The following HEPACAM2 variants were observed in gnomAD, a reference collection of about 807,000 sequenced individuals.
HEPACAM2 encodes the protein mitotic kinetics regulator.
HEPACAM2 carries 49 observed loss-of-function variants against 49.6 expected under a neutral mutation model. The ratio of observed to expected loss-of-function variants is 0.99; its 90% CI spans 0.78 to 1.25. The LOEUF is 1.25. Ranked by LOEUF, HEPACAM2 falls within the 50% of genes most tolerant of loss-of-function variation. HEPACAM2 has a pLI of 0.00. For missense variants in HEPACAM2, 525 were observed against 557.2 expected (o/e 0.94, Z 0.58); for synonymous variants, 197 against 202.9 (o/e 0.97, Z 0.25).
Position 93,189,171 on chromosome 7 carries a change from T to A in HEPACAM2, c.*96A>T, listed in dbSNP as rs574520323. ...TGAGTAAGAGGTGTTGGTCTTGGTT[T>A]CTTCACTGATTCCAGATTAATATAC... On this transcript the variant is annotated 3_prime_UTR_variant, in exon 10 of 10. Transcript: ENST00000394468. 2.3e-5 allele frequency: 25 copies of A among 1,080,754 alleles called. No homozygotes were observed. The East Asian group carries it at 4.8e-4, about 21-fold the overall frequency. 66.9% of individuals were successfully genotyped at this position (1,080,754 alleles called of 1,614,324 possible).
intron 3 of HEPACAM2, 71 bp from the exon 4 acceptor site, chr7:93,208,947 CT>C: frequency 7.5e-7 from 1 of 1,332,238 alleles, no homozygotes; most frequent in Non-Finnish European, 1.0e-6. Flanking sequence ...TTTGGGAGAG[CT>C]TAGTAGCATT....
In HEPACAM2 at chr7:93,215,391, AT is replaced by A. The variant is rs1794275864; in HGVS notation, c.715+9del. 6.2e-7 allele frequency: 1 copy of A among 1,605,118 alleles called. No homozygotes were observed. The highest frequency in any genetic ancestry group is 1.3e-5 in the African/African-American group (1 of 74,502). On this transcript the variant is annotated intron_variant, in intron 3 of 9. Transcript: ENST00000394468. ...AAAACAACTCATGAGTTAAAAAAAA[AT>A]AAACTTACAATATATGATGGGCATA... is the stretch of plus-strand genomic sequence containing the variant.
Position 93,215,435 on chromosome 7 carries a change from T to A in HEPACAM2, c.681A>T (p.Glu227Asp), listed in dbSNP as rs749706675. The A allele has an allele frequency of 6.8e-6, 11 of 1,613,824 alleles. No individual in the cohort carries two copies. In the African/African-American group the frequency reaches 1.5e-4, roughly 22 times the overall value. ...TGGGCATAATGATATCACTTTCCAT[T>A]TCACTGACAGGGTTCCTCACCAGGC... ...YSCLVRNPVS[E>D]MESDIIMPII... is the part of the protein sequence containing the mutation. The change falls in exon 3 of 10, where the codon GAA becomes GAT. Residue 227 changes from glutamate (E) to aspartate (D), a missense_variant. By Grantham distance (45) the Glu-to-Asp change is conservative. Transcript: ENST00000394468.
chr7:93,226,314 T>TA, intron 1 of HEPACAM2, 54 bp downstream of exon 1: 1 of 1,286,840 alleles, frequency 7.8e-7, no homozygotes, highest in Non-Finnish European at 1.1e-6. Context: ...ATGTCCACAA[T>TA]TAAAAAAAAA....
At chr7:93,194,450 T>C (rs1793632165) in intron 8 of HEPACAM2, among the ~76,000 whole-genome samples, 1 of 152,080 alleles carries the variant, frequency 6.6e-6, no homozygotes, top group East Asian at 1.9e-4. Context: ...CAAATATTTG[T>C]TTTTGTCTTT....
upstream of HEPACAM2, among the ~76,000 whole-genome samples, chr7:93,230,535 C>T (rs1253519250): frequency 6.6e-6 from 1 of 152,206 alleles, no homozygotes; most frequent in African/African-American, 2.4e-5. Context: ...CTCCTTGTGA[C>T]CACAACCATA....
At chr7:93,222,766 GTT>G in intron 1 of HEPACAM2, among the ~76,000 whole-genome samples, 1 of 152,176 alleles carries the variant, frequency 6.6e-6, no homozygotes, top group Non-Finnish European at 1.5e-5. Flanking sequence ...TTAATTTTAT[GTT>G]ATTGACAACC....
intron 4 of HEPACAM2, among the ~76,000 whole-genome samples, chr7:93,208,378 A>T (rs1044061086): frequency 6.6e-6 from 1 of 151,948 alleles, no homozygotes; most frequent in Non-Finnish European, 1.5e-5. Context: ...ATTGAATTGA[A>T]TTTCTCCCCT....
chr7:93,200,226 T>C (rs1478799012), intron 4 of HEPACAM2, among the ~76,000 whole-genome samples: 1 of 152,106 alleles, frequency 6.6e-6, no homozygotes, highest in Admixed American at 6.6e-5. Context: ...TTTCGGTCAA[T>C]TTTTGCTATT....
At chr7:93,206,610 T>G (rs1053455532) in intron 4 of HEPACAM2, among the ~76,000 whole-genome samples, 2 of 152,072 alleles carry the variant, frequency 1.3e-5, no homozygotes, top group African/African-American at 4.8e-5. Flanking sequence ...GCTATTTACA[T>G]TCAAATTAAA....
upstream of HEPACAM2, among the ~76,000 whole-genome samples, chr7:93,231,375 T>G (rs1411274270): frequency 6.6e-6 from 1 of 152,220 alleles, no homozygotes; most frequent in Non-Finnish European, 1.5e-5. Flanking sequence ...GATGACCGAT[T>G]AATCCTTCAG....
At chr7:93,192,019 C>A (rs1271131211) in intron 9 of HEPACAM2, among the ~76,000 whole-genome samples, 1 of 152,022 alleles carries the variant, frequency 6.6e-6, no homozygotes, top group African/African-American at 2.4e-5. Flanking sequence ...AAAGTTGATT[C>A]TAGAGTTTTG....
chr7:93,221,410 A>G (rs1794447694), intron 1 of HEPACAM2, among the ~76,000 whole-genome samples: 1 of 152,184 alleles, frequency 6.6e-6, no homozygotes, highest in Non-Finnish European at 1.5e-5. Context: ...ATCAATTTTA[A>G]AAAGGGAAAG....
At chr7:93,224,081 T>C (rs1794498296) in intron 1 of HEPACAM2, among the ~76,000 whole-genome samples, 1 of 152,104 alleles carries the variant, frequency 6.6e-6, no homozygotes, top group African/African-American at 2.4e-5. Context: ...ACTAAACCTA[T>C]TGATTTTAGA....
chr7:93,198,760 A>G (rs1793799540), intron 4 of HEPACAM2, among the ~76,000 whole-genome samples: 3 of 152,094 alleles, frequency 2.0e-5, no homozygotes, highest in Admixed American at 6.6e-5. Flanking sequence ...GGTAAAGACC[A>G]TGGTGGCTAC....
chr7:93,192,709 C>A (rs1442473596), intron 8 of HEPACAM2, among the ~76,000 whole-genome samples: 2 of 152,034 alleles, frequency 1.3e-5, no homozygotes, highest in African/African-American at 4.8e-5. Context: ...TAGCATATAT[C>A]ATTATCTTTT....
In HEPACAM2 at chr7:93,215,683, G is replaced by C; in HGVS notation, c.433C>G (p.Pro145Ala). ...SQKIQVTVDD[P>A]VTKPVVQIHP... ...ATCTGCACCACTGGCTTTGTGACAG[G>C]ATCTGCAATATTAAGAGAGATATGA... The change falls in exon 3 of 10, where the codon CCT becomes GCT. Residue 145 changes from proline to alanine, a missense_variant and splice_region_variant. Coordinates refer to ENST00000394468, the MANE Select transcript of HEPACAM2 (RefSeq NM_001039372.4). 6.2e-7 allele frequency: 1 copy of C among 1,612,264 alleles called. No homozygotes were observed. Among genetic ancestry groups the C allele is most frequent in the East Asian group, 2.2e-5 (1 of 44,822 alleles).
At chr7:93,207,496 G>C (rs1401479524) in intron 4 of HEPACAM2, among the ~76,000 whole-genome samples, 1 of 151,716 alleles carries the variant, frequency 6.6e-6, no homozygotes, top group Non-Finnish European at 1.5e-5. Context: ...AGAAGGAGAA[G>C]AGAATACAAA....
At chr7:93,210,794 A>T (rs957481373) in intron 3 of HEPACAM2, among the ~76,000 whole-genome samples, 2 of 151,950 alleles carry the variant, frequency 1.3e-5, no homozygotes, top group Non-Finnish European at 2.9e-5. Context: ...ACTAAACATT[A>T]GGGTAACTAA....
Sources: allele counts gnomAD v4.1 joint callset (sites outside exome capture counted in the v4.1 genomes callset), GRCh38; gene constraint gnomAD v4.1.1; transcripts MANE v1.5; gene names NCBI Gene and HGNC (gene_info 2026-07-23, HGNC 2026-07-21).